ADGRL3: variants seen among roughly 807,000 people sequenced by gnomAD.
ADGRL3 encodes the protein calcium-independent alpha-latrotoxin receptor 3.
In ADGRL3, 62 loss-of-function variants were observed where a neutral mutation model predicts 153.5. The observed-to-expected ratio is 0.40, with a 90% CI of 0.33 to 0.50. The LOEUF is 0.50. Among genes scored for constraint, ADGRL3 ranks in the 20% least tolerant of loss-of-function variants. The probability of loss-of-function intolerance (pLI) is 0.47; values close to 1 mark genes in which losing one functional copy is unlikely to be tolerated. For synonymous variants in ADGRL3, 710 were observed against 672.5 expected (o/e 1.06, Z -0.86); for missense variants, 1,641 against 1,859.4 (o/e 0.88, Z 2.16).
intron 9 of ADGRL3, among the ~76,000 whole-genome samples, chr4:61,863,851 T>C (rs929261747): frequency 1.3e-5 from 2 of 152,220 alleles, no homozygotes; most frequent in African/African-American, 4.8e-5. Context: ...TGGCATGGTC[T>C]TAGCAAAAGC....
chr4:61,871,066 CAGG>C (rs2098441206), intron 9 of ADGRL3, among the ~76,000 whole-genome samples: 2 of 152,196 alleles, frequency 1.3e-5, no homozygotes, highest in South Asian at 2.1e-4. Context: ...ATCACGAGGT[CAGG>C]AGATCGAGAC....
intron 5 of ADGRL3, among the ~76,000 whole-genome samples, chr4:61,648,019 T>C (rs962575398): frequency 3.9e-5 from 6 of 152,184 alleles, no homozygotes; most frequent in African/African-American, 1.4e-4. Flanking sequence ...CATATTCTTA[T>C]AAAATGTGTA....
intron 6 of ADGRL3, among the ~76,000 whole-genome samples, chr4:61,694,197 T>A: frequency 2.0e-5 from 1 of 49,558 alleles, no homozygotes; most frequent in African/African-American, 1.1e-4. Context: ...TTTTTTTTTT[T>A]TTTTTTTTTT....
intron 1 of ADGRL3, among the ~76,000 whole-genome samples, chr4:61,275,680 T>A (rs571565338): frequency 3.9e-5 from 6 of 152,292 alleles, no homozygotes; most frequent in African/African-American, 1.4e-4. Context: ...TTGCTATTAC[T>A]TCTTCTCAAC....
In ADGRL3 at chr4:61,669,398, TCA is replaced by T. The variant is rs1481837463; in HGVS notation, c.474-7427_474-7426del. The stretch of plus-strand genomic sequence containing the variant: ...CTTGAGGAGGAAAATAGAGAATTGT[TCA>T]GTTGATTGACATTGAGCAAAATACT... On this transcript the variant is annotated intron_variant, in intron 5 of 26. Transcript: ENST00000683033. Among the ~76,000 whole-genome samples, 35 of 152,192 alleles carry T rather than the reference TCA, an allele frequency of 2.3e-4. 1 individual carries two copies. Among genetic ancestry groups the T allele is most frequent in the Admixed American group, 2.0e-3 (31 of 15,268 alleles).
At chr4:61,337,757 C>T (rs758972984) in intron 1 of ADGRL3, among the ~76,000 whole-genome samples, 4 of 152,120 alleles carry the variant, frequency 2.6e-5, no homozygotes, top group Non-Finnish European at 4.4e-5. Flanking sequence ...TCAGTGCTTG[C>T]TTCCTTTAAA....
intron 2 of ADGRL3, among the ~76,000 whole-genome samples, chr4:61,467,352 G>A (rs2097897477): frequency 1.3e-5 from 2 of 152,062 alleles, no homozygotes; most frequent in South Asian, 4.2e-4. Flanking sequence ...TTAATTTTAT[G>A]GTACTATAAA....
chr4:61,833,712 C>G (rs2148896691), intron 9 of ADGRL3, among the ~76,000 whole-genome samples: 1 of 152,242 alleles, frequency 6.6e-6, no homozygotes, highest in Admixed American at 6.5e-5. Flanking sequence ...TCCTAAACCA[C>G]AATTTCTAAT....
At chr4:61,470,090 A>G (rs1167551190) in intron 2 of ADGRL3, among the ~76,000 whole-genome samples, 1 of 152,052 alleles carries the variant, frequency 6.6e-6, no homozygotes, top group African/African-American at 2.4e-5. Flanking sequence ...TTATCCACGT[A>G]TTATAAATCA....
chr4:62,028,806 TA>T, intron 21 of ADGRL3, 48 bp from the exon 22 acceptor site: 1 of 1,517,880 alleles, frequency 6.6e-7, no homozygotes, highest in Non-Finnish European at 9.0e-7. Flanking sequence ...TTCTTTGTCA[TA>T]AAATGCTAAT....
intron 15 of ADGRL3, among the ~76,000 whole-genome samples, chr4:61,945,512 A>G (rs2098916792): frequency 7.4e-6 from 1 of 134,880 alleles, no homozygotes; most frequent in East Asian, 2.3e-4. Context: ...AGCCTGGGCA[A>G]TGGCGGGCGC....
chr4:61,831,411 T>TAA lies in ADGRL3; in HGVS notation c.1480+17553_1480+17554dup, dbSNP rs1166970099. 4.4e-3 allele frequency among the ~76,000 whole-genome samples: 165 copies of TAA among 37,290 alleles called. 5 individuals are homozygous for TAA. The highest frequency in any genetic ancestry group is 9.2e-3 in the African/African-American group (85 of 9,280). 24.5% of individuals were successfully genotyped at this position (37,290 alleles called of 152,430 possible). Reference sequence around the variant, plus strand: ...GATGAAGAAAGGAAAAGATGCTAAGTAAAAAAAAAAAAAAAAAAAAAAAAA... The same window carrying TAA: ...GATGAAGAAAGGAAAAGATGCTAAGTAAAAAAAAAAAAAAAAAAAAAAAAAAA... On this transcript the variant is annotated intron_variant, in intron 9 of 26. Transcript: ENST00000683033.
At chr4:61,693,177 AT>A (rs904974261) in intron 6 of ADGRL3, among the ~76,000 whole-genome samples, 2 of 152,152 alleles carry the variant, frequency 1.3e-5, no homozygotes, top group East Asian at 1.9e-4. Flanking sequence ...AATAATTGGA[AT>A]AATAATAGAA....
intron 5 of ADGRL3, among the ~76,000 whole-genome samples, chr4:61,641,584 A>G (rs1203778302): frequency 2.0e-5 from 3 of 151,688 alleles, no homozygotes; most frequent in African/African-American, 7.3e-5. Context: ...ACGATTTCCA[A>G]TTTCATCCAT....
At chr4:62,042,725 G>A (rs1729043105) in intron 24 of ADGRL3, among the ~76,000 whole-genome samples, 1 of 151,790 alleles carries the variant, frequency 6.6e-6, no homozygotes, top group African/African-American at 2.4e-5. Flanking sequence ...CTTAATATAT[G>A]GTAAAAATAA....
At position 61,629,879 on chromosome 4, in the gene ADGRL3, G is replaced by A. The variant is rs1017385294; in HGVS notation, c.473+42439G>A. Reference sequence around the variant, plus strand: ...CCATGTGTTGGCATGATATTCTGTAGAGACTAATTCTAATCAATTCTGTCT... The same window carrying A: ...CCATGTGTTGGCATGATATTCTGTAAAGACTAATTCTAATCAATTCTGTCT... On this transcript the variant is annotated intron_variant, in intron 5 of 26. Coordinates refer to ENST00000683033, the MANE Select transcript of ADGRL3 (RefSeq NM_001387552.1). 3.3e-5 allele frequency among the ~76,000 whole-genome samples: 5 copies of A among 150,876 alleles called. No homozygotes were observed. The East Asian group carries it at 7.9e-4, about 24-fold the overall frequency.
At position 61,624,697 on chromosome 4, in the gene ADGRL3, A is replaced by G. The variant is rs191814362; in HGVS notation, c.473+37257A>G. On this transcript the variant is annotated intron_variant, in intron 5 of 26. Coordinates refer to ENST00000683033, the MANE Select transcript of ADGRL3 (RefSeq NM_001387552.1). ...AGAGTTTAATTGTTTTGTGGAACCCAGGTTGAGAAAGGCTGAGTTACTTTA... is the reference window on the plus strand; with the variant it reads ...AGAGTTTAATTGTTTTGTGGAACCCGGGTTGAGAAAGGCTGAGTTACTTTA... 4.6e-5 allele frequency among the ~76,000 whole-genome samples: 7 copies of G among 152,208 alleles called. No individual in the cohort carries two copies. The East Asian group carries it at 1.4e-3, about 29-fold the overall frequency.
rs62312936 is a variant in ADGRL3, at chr4:61,306,192, G to A, written c.-239-76932G>A. 2.8e-3 allele frequency among the ~76,000 whole-genome samples: 426 copies of A among 151,978 alleles called. 1 individual carries two copies. The highest frequency in any genetic ancestry group is 5.1e-3 in the Non-Finnish European group (344 of 67,966). The stretch of plus-strand genomic sequence containing the variant: ...GGCTTACTGGAAGCTCTGCCCCCTG[G>A]GTTCACGCCATTCTCCTGCCTCAGC... On this transcript the variant is annotated intron_variant, in intron 1 of 26. Coordinates refer to ENST00000683033, the MANE Select transcript of ADGRL3 (RefSeq NM_001387552.1).
At chr4:61,945,599 G>A (rs1435672512) in intron 15 of ADGRL3, among the ~76,000 whole-genome samples, 8 of 134,894 alleles carry the variant, frequency 5.9e-5, no homozygotes, top group African/African-American at 1.7e-4. Context: ...TTCCGTGGGC[G>A]TAGGACCCTC....
Sources: allele counts gnomAD v4.1 joint callset (sites outside exome capture counted in the v4.1 genomes callset), GRCh38; gene constraint gnomAD v4.1.1; transcripts MANE v1.5; gene names NCBI Gene and HGNC (gene_info 2026-07-23, HGNC 2026-07-21).